The following ANKIB1 variants were observed in gnomAD, a reference collection of about 807,000 sequenced individuals.
ANKIB1 encodes ankyrin repeat and IBR domain-containing protein 1.
In ANKIB1, 43 loss-of-function variants were observed where a neutral mutation model predicts 122.1. That is an observed-to-expected ratio of 0.35 (90% CI 0.28 to 0.45). The LOEUF is 0.45. ANKIB1 is among the 20% of genes least tolerant of loss of function. ANKIB1 has a pLI of 1.00. For missense variants in ANKIB1, 992 were observed against 1,329.5 expected (o/e 0.75, Z 3.95); for synonymous variants, 390 against 442.0 (o/e 0.88, Z 1.48).
chr7:92,372,565 A>C (rs1804294343), intron 11 of ANKIB1, among the ~76,000 whole-genome samples: 2 of 152,180 alleles, frequency 1.3e-5, no homozygotes, highest in African/African-American at 4.8e-5. Flanking sequence ...TAAATAAGTA[A>C]CTGTTTATTA....
intron 9 of ANKIB1, among the ~76,000 whole-genome samples, chr7:92,355,347 C>G (rs900128723): frequency 6.6e-6 from 1 of 151,514 alleles, no homozygotes. Flanking sequence ...TCTGAGACAA[C>G]TCTTCACAGA....
At chr7:92,269,895 C>T (rs912615669) in intron 1 of ANKIB1, among the ~76,000 whole-genome samples, 4 of 151,802 alleles carry the variant, frequency 2.6e-5, no homozygotes, top group African/African-American at 9.7e-5. Context: ...TTGCTGCACC[C>T]ATCAATTCAT....
intron 3 of ANKIB1, among the ~76,000 whole-genome samples, chr7:92,307,896 C>T (rs1043224593): frequency 3.4e-5 from 5 of 147,998 alleles, no homozygotes; most frequent in African/African-American, 1.3e-4. Context: ...TCACTACAAC[C>T]TCTGCCTCCC....
At chr7:92,305,961 G>T (rs1244437593) in intron 2 of ANKIB1, among the ~76,000 whole-genome samples, 1 of 152,144 alleles carries the variant, frequency 6.6e-6, no homozygotes, top group Non-Finnish European at 1.5e-5. Flanking sequence ...ACCGAGAGAT[G>T]CTAGTCTTAT....
chr7:92,327,703 A>C (rs1428789472), intron 4 of ANKIB1, 80 bp from the exon 5 acceptor site: 1 of 627,294 alleles, frequency 1.6e-6, no homozygotes, highest in Non-Finnish European at 2.6e-6. Context: ...CATTGGACTG[A>C]CTATATATTG....
intron 15 of ANKIB1, among the ~76,000 whole-genome samples, chr7:92,390,336 A>G (rs1804759880): frequency 1.3e-5 from 2 of 152,260 alleles, no homozygotes; most frequent in South Asian, 2.1e-4. Flanking sequence ...ATGAGTTATG[A>G]GTGGTGCAAA....
rs1222442609 is a variant in ANKIB1, at chr7:92,362,198, G to A, written c.1411G>A (p.Glu471Lys). 7.5e-6 allele frequency: 12 copies of A among 1,597,896 alleles called. No homozygotes were observed. The highest frequency in any genetic ancestry group is 1.0e-5 in the Non-Finnish European group (12 of 1,171,914). ...GHLFCWECLG[E>K]AHEPCDCQTW... ...TATTTTCTTTAGGGAGTGCCTTGGT[G>A]AAGCACATGAGCCTTGTGACTGCCA... The change falls in exon 10 of 20, where the codon GAA becomes AAA. Residue 471 changes from glutamate to lysine, a missense_variant. This residue lies in a region of ANKIB1 where 521 missense variants were observed against 777.7 expected (regional missense o/e 0.67). Coordinates refer to ENST00000265742, the MANE Select transcript of ANKIB1 (RefSeq NM_019004.2).
At chr7:92,280,234 A>G (rs929769838) in intron 1 of ANKIB1, among the ~76,000 whole-genome samples, 2 of 152,252 alleles carry the variant, frequency 1.3e-5, no homozygotes, top group Non-Finnish European at 1.5e-5. Context: ...TCATACATCC[A>G]GATGCAATGC....
chr7:92,284,613 T>C (rs1444835287), intron 1 of ANKIB1, among the ~76,000 whole-genome samples: 1 of 152,240 alleles, frequency 6.6e-6, no homozygotes, highest in Non-Finnish European at 1.5e-5. Flanking sequence ...CATATTTTCT[T>C]ACCATTTTCT....
chr7:92,301,942 T>C (rs1480657023), intron 2 of ANKIB1, among the ~76,000 whole-genome samples: 1 of 152,008 alleles, frequency 6.6e-6, no homozygotes, highest in Non-Finnish European at 1.5e-5. Context: ...ATTCCTTTTT[T>C]CTTTTTTTTT....
At chr7:92,301,855 T>TA (rs1802462472) in intron 2 of ANKIB1, among the ~76,000 whole-genome samples, 2 of 152,216 alleles carry the variant, frequency 1.3e-5, no homozygotes, top group South Asian at 4.1e-4. Context: ...TGATGACTAT[T>TA]ACTTTCTCAT....
At chr7:92,353,596 T>C (rs1239531014) in intron 9 of ANKIB1, among the ~76,000 whole-genome samples, 1 of 152,240 alleles carries the variant, frequency 6.6e-6, no homozygotes, top group African/African-American at 2.4e-5. Context: ...CACTGCTGTA[T>C]AGTAGGAAGG....
intron 1 of ANKIB1, among the ~76,000 whole-genome samples, chr7:92,248,057 AG>A (rs1801231999): frequency 6.6e-6 from 1 of 152,182 alleles, no homozygotes; most frequent in Non-Finnish European, 1.5e-5. Flanking sequence ...TGTATTATTA[AG>A]GGTGTGGCTT....
chr7:92,341,584 T>A (rs1353071619), intron 5 of ANKIB1, among the ~76,000 whole-genome samples: 1 of 152,088 alleles, frequency 6.6e-6, no homozygotes, highest in Non-Finnish European at 1.5e-5. Flanking sequence ...TATGTAGTCA[T>A]TAAAAAGAAG....
chr7:92,274,598 G>A (rs1801862008), intron 1 of ANKIB1, among the ~76,000 whole-genome samples: 1 of 151,992 alleles, frequency 6.6e-6, no homozygotes, highest in South Asian at 2.1e-4. Flanking sequence ...CAGAACAGGA[G>A]CACTAGCTCA....
At chr7:92,264,722 A>G (rs1267613685) in intron 1 of ANKIB1, among the ~76,000 whole-genome samples, 4 of 152,082 alleles carry the variant, frequency 2.6e-5, no homozygotes, top group African/African-American at 9.7e-5. Context: ...TCATTTGTCA[A>G]TAAATATTTA....
chr7:92,337,441 T>G (rs145904928), intron 5 of ANKIB1, among the ~76,000 whole-genome samples: 1 of 152,324 alleles, frequency 6.6e-6, no homozygotes, highest in East Asian at 1.9e-4. Flanking sequence ...TTTCCAGATC[T>G]TTTTTAAAAA....
intron 11 of ANKIB1, among the ~76,000 whole-genome samples, chr7:92,384,687 A>G (rs1804593912): frequency 6.6e-6 from 1 of 152,216 alleles, no homozygotes; most frequent in Non-Finnish European, 1.5e-5. Flanking sequence ...ACCCATATGT[A>G]GAAAGCTGAA....
intron 1 of ANKIB1, among the ~76,000 whole-genome samples, chr7:92,274,076 C>G (rs546669921): frequency 1.6e-4 from 24 of 152,222 alleles, no homozygotes; most frequent in African/African-American, 5.8e-4. Context: ...CCTGTGGCCT[C>G]AGACAGCTTT....
Sources: gnomAD v4.1 joint callset for allele counts (sites outside exome capture counted in the v4.1 genomes callset) on GRCh38, gnomAD v4.1.1 for gene constraint, gnomAD v4.1.1 regional missense constraint, MANE v1.5 for transcripts, NCBI Gene and HGNC (gene_info 2026-07-23, HGNC 2026-07-21) for gene names.